The following ST18 variants were observed in gnomAD, a reference collection of about 807,000 sequenced individuals.
ST18 encodes ST18 C2H2C-type zinc finger transcription factor, also known as suppression of tumorigenicity 18 protein.
ST18 carries 50 observed loss-of-function variants against 110.0 expected under a neutral mutation model. The ratio of observed to expected loss-of-function variants is 0.45; its 90% CI spans 0.36 to 0.58. The LOEUF is 0.58. Among genes scored for constraint, ST18 ranks in the 20% least tolerant of loss-of-function variants. The probability of loss-of-function intolerance (pLI) is 0.00; values close to 1 mark genes in which losing one functional copy is unlikely to be tolerated. For missense variants in ST18, 1,306 were observed against 1,280.1 expected (o/e 1.02, Z -0.31); for synonymous variants, 461 against 452.4 (o/e 1.02, Z -0.24).
At chr8:52,246,983 A>G (rs1213454023) in intron 2 of ST18, among the ~76,000 whole-genome samples, 3 of 152,164 alleles carry the variant, frequency 2.0e-5, no homozygotes, top group Non-Finnish European at 4.4e-5. Context: ...GAACTCAAAA[A>G]GGGAGTACTG....
chr8:52,130,272 T>G (rs959451186), intron 22 of ST18, among the ~76,000 whole-genome samples: 14 of 152,168 alleles, frequency 9.2e-5, no homozygotes, highest in African/African-American at 3.1e-4. Flanking sequence ...CAGGAACCTA[T>G]GATGTGTATT....
chr8:52,295,887 C>T lies in ST18; in HGVS notation c.-464-65810G>A, dbSNP rs968792839. 1.2e-4 allele frequency among the ~76,000 whole-genome samples: 18 copies of T among 152,072 alleles called. 1 individual carries two copies. The South Asian group carries it at 3.7e-3, about 32-fold the overall frequency. ...CCAGCCTGCCTCCCAGTATGTTCTG[C>T]GTCCCATCTGACTTCCGCAGAGTTC... is the stretch of plus-strand genomic sequence containing the variant. On this transcript the variant is annotated intron_variant, in intron 2 of 25. Coordinates refer to ENST00000689386, the MANE Select transcript of ST18 (RefSeq NM_001352837.2).
In ST18 at chr8:52,220,813, CTT is replaced by C. The variant is rs980436251; in HGVS notation, c.-231_-230del. On this transcript the variant is annotated 5_prime_UTR_variant, in exon 5 of 26. Transcript: ENST00000689386. ...TGTGTCAGGGGGACTAAATAAATGA[CTT>C]TGTCTTATTTAGTGATAAATCCTGA... 8 of 152,134 alleles carry C rather than the reference CTT, an allele frequency of 5.3e-5. No individual in the cohort carries two copies. Among genetic ancestry groups the C allele is most frequent in the African/African-American group, 1.9e-4 (8 of 41,432 alleles). The allele number at this position is 152,134 out of a possible 1,614,324, so 9.4% of individuals were successfully genotyped here.
chr8:52,170,964 G>A (rs551842013), intron 10 of ST18, among the ~76,000 whole-genome samples: 2 of 152,132 alleles, frequency 1.3e-5, no homozygotes, highest in Admixed American at 1.3e-4. Flanking sequence ...TTTTTTCTAA[G>A]GTACTCCTCT....
intron 2 of ST18, among the ~76,000 whole-genome samples, chr8:52,248,911 G>T (rs2094070132): frequency 6.6e-6 from 1 of 152,092 alleles, no homozygotes; most frequent in African/African-American, 2.4e-5. Flanking sequence ...ATATATATTA[G>T]GGGCTGGGGC....
chr8:52,112,938 A>AT lies in ST18; in HGVS notation c.*259_*260insA. On this transcript the variant is annotated 3_prime_UTR_variant, in exon 26 of 26. Transcript: ENST00000689386. ...TTACATATACTTTACAAAAAAAAAA[A>AT]GAGTACAATGAAGAAATAAAAGAAA... The AT allele has an allele frequency of 7.1e-6, 2 of 281,260 alleles. No individual in the cohort carries two copies. The highest frequency in any genetic ancestry group is 1.3e-5 in the Non-Finnish European group (2 of 154,948). 17.4% of individuals were successfully genotyped at this position (281,260 alleles called of 1,614,324 possible). A position where few individuals can be genotyped will look rare whatever the true frequency, so the allele number is the denominator to read the frequency against.
intron 2 of ST18, among the ~76,000 whole-genome samples, chr8:52,357,391 T>C (rs1823238243): frequency 6.6e-6 from 1 of 151,860 alleles, no homozygotes; most frequent in African/African-American, 2.4e-5. Context: ...ATCAAAAGAA[T>C]GGATATGAAC....
intron 2 of ST18, among the ~76,000 whole-genome samples, chr8:52,308,138 T>C (rs1389281155): frequency 6.6e-6 from 1 of 152,210 alleles, no homozygotes; most frequent in Non-Finnish European, 1.5e-5. Context: ...AACTGTTCTC[T>C]ACATTTTCAG....
At chr8:52,303,159 C>T (rs2095756512) in intron 2 of ST18, among the ~76,000 whole-genome samples, 1 of 152,176 alleles carries the variant, frequency 6.6e-6, no homozygotes, top group Admixed American at 6.5e-5. Flanking sequence ...CTCTCACAGC[C>T]CTGGAGGCCA....
In ST18 at chr8:52,188,929, G is replaced by A. The variant is rs182153142; in HGVS notation, c.87-8617C>T. Among the ~76,000 whole-genome samples, 7 of 152,266 alleles carry A rather than the reference G, an allele frequency of 4.6e-5. No homozygotes were observed. The East Asian group carries it at 1.2e-3, about 25-fold the overall frequency. ...ACTTGCAGAAGCAGGATTCACAAGG[G>A]TTGGAGATTGGGAGTTCAAACTGGA... On this transcript the variant is annotated intron_variant, in intron 8 of 25. Coordinates refer to ENST00000689386, the MANE Select transcript of ST18 (RefSeq NM_001352837.2).
intron 10 of ST18, among the ~76,000 whole-genome samples, chr8:52,168,574 G>T (rs777394905): frequency 6.6e-6 from 1 of 152,050 alleles, no homozygotes; most frequent in African/African-American, 2.4e-5. Flanking sequence ...CCTTCGAGTC[G>T]TTCTGCGCTG....
chr8:52,218,302 G>T (rs1055936273), intron 5 of ST18, among the ~76,000 whole-genome samples: 1 of 151,702 alleles, frequency 6.6e-6, no homozygotes, highest in Non-Finnish European at 1.5e-5. Context: ...ATGTTTTGAG[G>T]GCGCTTTCTG....
At position 52,158,918 on chromosome 8, in the gene ST18, G is replaced by A. The variant is rs1267076714; in HGVS notation, c.1786C>T (p.Pro596Ser). The change falls in exon 15 of 26, where the codon CCA becomes TCA. Residue 596 changes from proline to serine, a missense_variant. Transcript: ENST00000689386. ...REATDILSNKPQSLHAKGAEI... is the reference protein window; with the variant it reads ...REATDILSNKSQSLHAKGAEI... The stretch of plus-strand genomic sequence containing the variant: ...CCTACCTTGGCATGCAGACTCTGTG[G>A]CTTGTTGGAGAGGATGTCTGTGGCT... The A allele has an allele frequency of 1.2e-6, 2 of 1,613,896 alleles. No individual in the cohort carries two copies. Among genetic ancestry groups the A allele is most frequent in the Non-Finnish European group, 1.7e-6 (2 of 1,179,902 alleles).
intron 2 of ST18, among the ~76,000 whole-genome samples, chr8:52,340,702 C>T (rs575722541): frequency 1.8e-3 from 268 of 152,282 alleles, no homozygotes; most frequent in African/African-American, 3.5e-3. Flanking sequence ...CTAGAAAACA[C>T]GAGCTACTTT....
chr8:52,186,652 G>A (rs372883618), intron 8 of ST18, among the ~76,000 whole-genome samples: 1 of 152,126 alleles, frequency 6.6e-6, no homozygotes, highest in Non-Finnish European at 1.5e-5. Flanking sequence ...CGGAAACATC[G>A]CATAGTCCTT....
At chr8:52,352,274 G>C (rs73586627) in intron 2 of ST18, among the ~76,000 whole-genome samples, 1 of 152,090 alleles carries the variant, frequency 6.6e-6, no homozygotes, top group African/African-American at 2.4e-5. Flanking sequence ...GCGCGGACAA[G>C]ACCACAAGCC....
At chr8:52,176,311 C>T (rs536815755) in intron 9 of ST18, among the ~76,000 whole-genome samples, 5 of 152,242 alleles carry the variant, frequency 3.3e-5, no homozygotes, top group East Asian at 1.9e-4. Flanking sequence ...CGTGAGCCAC[C>T]GCGCCTGGCC....
chr8:52,175,946 G>C (rs2066744865), intron 9 of ST18, among the ~76,000 whole-genome samples: 2 of 152,100 alleles, frequency 1.3e-5, no homozygotes, highest in African/African-American at 4.8e-5. Flanking sequence ...AAGAACACTA[G>C]TAGCTCATTA....
At chr8:52,356,400 A>T (rs1822766914) in intron 2 of ST18, among the ~76,000 whole-genome samples, 1 of 152,176 alleles carries the variant, frequency 6.6e-6, no homozygotes, top group Non-Finnish European at 1.5e-5. Flanking sequence ...CCACACATAC[A>T]CACACAAAGT....
Sources: allele counts gnomAD v4.1 joint callset (sites outside exome capture counted in the v4.1 genomes callset), GRCh38; gene constraint gnomAD v4.1.1; transcripts MANE v1.5; gene names NCBI Gene and HGNC (gene_info 2026-07-23, HGNC 2026-07-21).